TFDP2: variants seen among roughly 807,000 people sequenced by gnomAD.
TFDP2 encodes the protein transcription factor Dp-2.
TFDP2 carries 17 observed loss-of-function variants against 59.3 expected under a neutral mutation model. The ratio of observed to expected loss-of-function variants is 0.29; its 90% CI spans 0.20 to 0.43. The LOEUF is 0.43. Ranked by LOEUF, TFDP2 falls within the 20% of genes least tolerant of loss-of-function variation. The probability of loss-of-function intolerance (pLI) is 1.00; values close to 1 mark genes in which losing one functional copy is unlikely to be tolerated. For missense variants in TFDP2, 391 were observed against 528.8 expected (o/e 0.74, Z 2.56); for synonymous variants, 180 against 194.7 (o/e 0.92, Z 0.63).
At chr3:141,979,674 C>T (rs928178327) in intron 6 of TFDP2, among the ~76,000 whole-genome samples, 5 of 151,894 alleles carry the variant, frequency 3.3e-5, no homozygotes, top group African/African-American at 7.3e-5. Context: ...CTGCAACCTC[C>T]GCCTCCCAGG....
intron 6 of TFDP2, among the ~76,000 whole-genome samples, chr3:141,988,867 GGGC>G (rs1446360860): frequency 2.6e-5 from 4 of 151,440 alleles, no homozygotes; most frequent in Non-Finnish European, 5.9e-5. Context: ...TTCACCATGT[GGGC>G]CAGGATGGTC....
chr3:142,002,566 C>T (rs1487904478), intron 4 of TFDP2, among the ~76,000 whole-genome samples: 1 of 152,036 alleles, frequency 6.6e-6, no homozygotes, highest in African/African-American at 2.4e-5. Flanking sequence ...ATATTTGTGC[C>T]AACATTCTGT....
chr3:142,065,421 G>A (rs1250936296), intron 3 of TFDP2, among the ~76,000 whole-genome samples: 2 of 152,054 alleles, frequency 1.3e-5, no homozygotes, highest in Non-Finnish European at 1.5e-5. Context: ...CTCCCAAAGT[G>A]CTGGAATTAC....
chr3:141,996,075 T>C (rs137987147), intron 4 of TFDP2, among the ~76,000 whole-genome samples: 1 of 152,218 alleles, frequency 6.6e-6, no homozygotes, highest in African/African-American at 2.4e-5. Flanking sequence ...CCTTAATTTC[T>C]ATTTCCTAAG....
Position 142,102,503 on chromosome 3 carries a change from A to T in TFDP2, c.-92-662T>A, listed in dbSNP as rs535683167. 1.4e-4 allele frequency among the ~76,000 whole-genome samples: 21 copies of T among 152,380 alleles called. No individual in the cohort carries two copies. In the South Asian group the frequency reaches 4.1e-3, roughly 30 times the overall value. ...ACTAATAAATATAAATGAGTGATAC[A>T]GTTAGTAAAACTTCCATTTTGGAAC... On this transcript the variant is annotated intron_variant, in intron 1 of 12. Transcript: ENST00000489671.
rs1343724890 is a variant in TFDP2 at position 141,951,265 on chromosome 3, T to C, written c.*1248A>G. The C allele has an allele frequency of 6.6e-6, 1 of 152,204 alleles. No individual in the cohort carries two copies. The highest frequency in any genetic ancestry group is 1.9e-4 in the East Asian group (1 of 5,206). The allele number at this position is 152,204 out of a possible 1,614,324, so 9.4% of individuals were successfully genotyped here. ...TGGCAGGTGTCCCTACACTCTTTCA[T>C]TCAGAGAAGGAGCAGCTGTGAATAC... is the stretch of plus-strand genomic sequence containing the variant. On this transcript the variant is annotated 3_prime_UTR_variant, in exon 13 of 13. Coordinates refer to ENST00000489671, the MANE Select transcript of TFDP2 (RefSeq NM_001178139.2).
rs1936118323 is a variant in TFDP2, at chr3:141,953,071, G to C, written c.1052-55C>G. ...CGGTCCTGCAAGTTCTGTGGCTGCT[G>C]TTGTTACAGTCTGAGGAAAGCACAG... is the stretch of plus-strand genomic sequence containing the variant. On this transcript the variant is annotated intron_variant, in intron 11 of 12. Transcript: ENST00000489671. The C allele has an allele frequency of 3.1e-6, 4 of 1,270,416 alleles. No individual in the cohort carries two copies. The East Asian group carries it at 9.3e-5, about 29-fold the overall frequency. 78.7% of individuals were successfully genotyped at this position (1,270,416 alleles called of 1,614,324 possible). A position where few individuals can be genotyped will look rare whatever the true frequency, so the allele number is the denominator to read the frequency against.
intron 3 of TFDP2, among the ~76,000 whole-genome samples, chr3:142,028,869 A>G (rs2108398389): frequency 6.6e-6 from 1 of 152,370 alleles, no homozygotes; most frequent in South Asian, 2.1e-4. Context: ...TTCTTATTAA[A>G]TTAAAAGGAT....
intron 5 of TFDP2, chr3:141,994,284 T>A (rs533739358): frequency 6.6e-6 from 1 of 152,312 alleles, no homozygotes; most frequent in South Asian, 2.1e-4. Context: ...CTTACTTAAC[T>A]AAGACTTACC....
At chr3:142,103,753 G>A (rs1339828793) in intron 1 of TFDP2, among the ~76,000 whole-genome samples, 1 of 151,994 alleles carries the variant, frequency 6.6e-6, no homozygotes, top group Non-Finnish European at 1.5e-5. Flanking sequence ...GACATTCAAG[G>A]GGAAGGATAA....
intron 1 of TFDP2, among the ~76,000 whole-genome samples, chr3:142,142,973 C>T (rs571681630): frequency 2.0e-5 from 3 of 152,248 alleles, no homozygotes; most frequent in Non-Finnish European, 2.9e-5. Flanking sequence ...AGGTGGCTCA[C>T]GCCTGTAATC....
chr3:142,011,932 G>A (rs147277908), intron 3 of TFDP2, among the ~76,000 whole-genome samples: 235 of 151,952 alleles, frequency 1.5e-3, no homozygotes, highest in African/African-American at 5.3e-3. Context: ...AATTAGAGAG[G>A]AATAAACTGA....
At chr3:142,043,096 G>A (rs1947100431) in intron 3 of TFDP2, among the ~76,000 whole-genome samples, 1 of 149,620 alleles carries the variant, frequency 6.7e-6, no homozygotes, top group African/African-American at 2.5e-5. Flanking sequence ...GCCCAGGCTG[G>A]AGTGCAGTGG....
intron 1 of TFDP2, among the ~76,000 whole-genome samples, chr3:142,107,982 T>G (rs1213707189): frequency 6.6e-6 from 1 of 152,148 alleles, no homozygotes; most frequent in East Asian, 1.9e-4. Flanking sequence ...CCTTTTCAAT[T>G]CCGTTTTTTG....
At chr3:141,983,686 C>T (rs73230677) in intron 6 of TFDP2, among the ~76,000 whole-genome samples, 54 of 149,528 alleles carry the variant, frequency 3.6e-4, no homozygotes, top group Non-Finnish European at 6.5e-4. Context: ...ATACAAATAG[C>T]CAAAAAGTAC....
chr3:142,025,164 T>C (rs923524167), intron 3 of TFDP2, among the ~76,000 whole-genome samples: 1 of 152,220 alleles, frequency 6.6e-6, no homozygotes, highest in Non-Finnish European at 1.5e-5. Flanking sequence ...CTTCAGACAC[T>C]CCCAACCAAT....
intron 1 of TFDP2, among the ~76,000 whole-genome samples, chr3:142,123,324 C>T (rs186314454): frequency 7.9e-5 from 12 of 152,046 alleles, no homozygotes; most frequent in African/African-American, 2.4e-4. Context: ...TTAGTAGAGA[C>T]GGGGTTTCAC....
intron 1 of TFDP2, among the ~76,000 whole-genome samples, chr3:142,124,712 C>CA (rs2062174610): frequency 6.6e-6 from 1 of 151,866 alleles, no homozygotes; most frequent in African/African-American, 2.4e-5. Context: ...GATATGACTA[C>CA]AAAAAATGCA....
chr3:142,149,051 G>A (rs961966073), intron 1 of TFDP2, 132 bp downstream of exon 1: 34 of 392,962 alleles, frequency 8.7e-5, no homozygotes, highest in African/African-American at 4.1e-4. Context: ...GAGAACCCAG[G>A]TCTAAACAGA....
Sources: gnomAD v4.1 joint callset for allele counts (sites outside exome capture counted in the v4.1 genomes callset) on GRCh38, gnomAD v4.1.1 for gene constraint, MANE v1.5 for transcripts, NCBI Gene and HGNC (gene_info 2026-07-23, HGNC 2026-07-21) for gene names.